The following B4GALNT2 variants were observed in gnomAD, a reference collection of about 807,000 sequenced individuals.
B4GALNT2 encodes the protein beta-1,4-N-acetyl-galactosaminyltransferase 2 (SID blood group).
B4GALNT2 carries 42 observed loss-of-function variants against 51.1 expected under a neutral mutation model. The ratio of observed to expected loss-of-function variants is 0.82; its 90% confidence interval spans 0.64 to 1.06. B4GALNT2 has a LOEUF of 1.06. Ranked by LOEUF, B4GALNT2 falls within the 50% of genes least tolerant of loss-of-function variation. The pLI is 0.00. For missense variants in B4GALNT2, 602 were observed against 633.6 expected, an observed-to-expected ratio of 0.95 and a Z score of 0.54; for synonymous variants, 253 against 251.7, an observed-to-expected ratio of 1.01 and a Z score of -0.05.
upstream of B4GALNT2, among the ~76,000 whole-genome samples, chr17:49,130,252 C>G (rs1159590104): frequency 6.6e-6 from 1 of 152,236 alleles, no homozygotes; most frequent in African/African-American, 2.4e-5. Context: ...AAAGAGCTTT[C>G]CTACTTAAAT....
intron 1 of B4GALNT2, among the ~76,000 whole-genome samples, chr17:49,137,460 A>T (rs2042601261): frequency 6.6e-6 from 1 of 152,068 alleles, no homozygotes; most frequent in East Asian, 1.9e-4. Flanking sequence ...CCACCATGGG[A>T]TGATGCAGCA....
upstream of B4GALNT2, among the ~76,000 whole-genome samples, chr17:49,130,097 C>G (rs116661177): frequency 1.3e-5 from 2 of 152,196 alleles, no homozygotes; most frequent in East Asian, 3.8e-4. Context: ...TGCCTTCCTG[C>G]AGTCATCCCT....
chr17:49,149,444 G>A (rs2042728675), intron 3 of B4GALNT2, among the ~76,000 whole-genome samples: 1 of 151,944 alleles, frequency 6.6e-6, no homozygotes, highest in South Asian at 2.1e-4. Context: ...CCAGGAGTTC[G>A]ATACCAGCCT....
Position 49,172,055 on chromosome 17 carries a change from A to T in B4GALNT2, c.*2327A>T, listed in dbSNP as rs1567869900. On this transcript the variant is annotated 3_prime_UTR_variant, in exon 11 of 11. Coordinates refer to ENST00000393354, the MANE Select transcript of B4GALNT2 (RefSeq NM_001159387.2). ...TGAAGGAATACTCATGGCAATGGTG[A>T]TCACCACTATCATATCTATCATTAA... 2 of 274,430 alleles carry T rather than the reference A, an allele frequency of 7.3e-6. No individual in the cohort carries two copies. The highest frequency in any genetic ancestry group is 1.4e-4 in the East Asian group (2 of 14,446). The allele number at this position is 274,430 out of a possible 1,614,324, so 17.0% of individuals were successfully genotyped here.
At chr17:49,123,402 C>A in the B4GALNT2 span, among the ~76,000 whole-genome samples, 1 of 152,330 alleles carries the variant, frequency 6.6e-6, no homozygotes, top group East Asian at 1.9e-4. Context: ...TTAATTTAAA[C>A]TGTAGAAAAT....
chr17:49,130,181 T>A (rs1481879787), upstream of B4GALNT2, among the ~76,000 whole-genome samples: 2 of 152,250 alleles, frequency 1.3e-5, no homozygotes, highest in Admixed American at 6.5e-5. Flanking sequence ...AACACTAATG[T>A]GAAGCAAGAG....
In B4GALNT2 at chr17:49,172,147, G is replaced by A. The variant is rs1023550122; in HGVS notation, c.*2419G>A. On this transcript the variant is annotated 3_prime_UTR_variant, in exon 11 of 11. Coordinates refer to ENST00000393354, the MANE Select transcript of B4GALNT2 (RefSeq NM_001159387.2). ...CTTCCACCATCTGTGACAGCTTCTT[G>A]ATCTGTCCCCAGGTAGGTGGCTGTG... 1 of 298,728 alleles carries A rather than the reference G, an allele frequency of 3.3e-6. No individual in the cohort carries two copies. The highest frequency in any genetic ancestry group is 2.2e-5 in the African/African-American group (1 of 45,126). 18.5% of individuals were successfully genotyped at this position (298,728 alleles called of 1,614,324 possible). A position where few individuals can be genotyped will look rare whatever the true frequency, so the allele number is the denominator to read the frequency against.
intron 6 of B4GALNT2, 26 bp from the exon 7 acceptor site, chr17:49,160,529 T>A (rs1448562145): frequency 2.5e-6 from 4 of 1,600,736 alleles, no homozygotes; most frequent in Middle Eastern, 1.7e-4. Context: ...ATACTCCCTG[T>A]GCCATTATCT....
At position 49,157,117 on chromosome 17, in the gene B4GALNT2, G is replaced by A. The variant is rs985672324; in HGVS notation, c.498+514G>A. Among the ~76,000 whole-genome samples, 11 of 152,136 alleles carry A rather than the reference G, an allele frequency of 7.2e-5. No homozygotes were observed. The East Asian group carries it at 9.6e-4, about 13-fold the overall frequency. On this transcript the variant is annotated intron_variant, in intron 5 of 10. Coordinates refer to ENST00000393354, the MANE Select transcript of B4GALNT2 (RefSeq NM_001159387.2). The stretch of plus-strand genomic sequence containing the variant: ...GGAATGGGTGATGAGTGAGCAGATC[G>A]GCAAGGCCTCCACCACCTGTCACCA...
the B4GALNT2 span, among the ~76,000 whole-genome samples, chr17:49,126,190 A>T: frequency 1.3e-5 from 2 of 152,134 alleles, no homozygotes; most frequent in African/African-American, 4.8e-5. Context: ...CTGTTGATCT[A>T]TGACCTTACC....
intron 3 of B4GALNT2, among the ~76,000 whole-genome samples, chr17:49,150,086 C>T (rs2042734542): frequency 6.6e-6 from 1 of 152,180 alleles, no homozygotes; most frequent in African/African-American, 2.4e-5. Context: ...GGTCAGCCCC[C>T]CACCTGGCCA....
chr17:49,128,969 C>T (rs2042523964), upstream of B4GALNT2, among the ~76,000 whole-genome samples: 1 of 152,198 alleles, frequency 6.6e-6, no homozygotes, highest in African/African-American at 2.4e-5. Context: ...TGAGAAGAAA[C>T]TGGGCATCCC....
At chr17:49,126,670 A>C in the B4GALNT2 span, among the ~76,000 whole-genome samples, 1 of 68,532 alleles carries the variant, frequency 1.5e-5, no homozygotes, top group African/African-American at 5.9e-5. Context: ...TTTTTTTTTG[A>C]GATGCAGTCT....
Position 49,172,018 on chromosome 17 carries a change from G to A in B4GALNT2, c.*2290G>A. ...CCCAATAAGTATAACTGTTCTCTGT[G>A]TTGTTCCTTGTTGAAGGAATACTCA... On this transcript the variant is annotated 3_prime_UTR_variant, in exon 11 of 11. Transcript: ENST00000393354. 1 of 249,630 alleles carries A rather than the reference G, an allele frequency of 4.0e-6. No homozygotes were observed. 15.5% of individuals were successfully genotyped at this position (249,630 alleles called of 1,614,324 possible).
intron 3 of B4GALNT2, among the ~76,000 whole-genome samples, chr17:49,152,077 A>G (rs1417308538): frequency 6.6e-6 from 1 of 151,948 alleles, no homozygotes; most frequent in African/African-American, 2.4e-5. Context: ...GTTTTTTTTA[A>G]AAAAAATATG....
intron 3 of B4GALNT2, among the ~76,000 whole-genome samples, chr17:49,150,685 G>A (rs1477101492): frequency 1.3e-5 from 2 of 151,164 alleles, no homozygotes; most frequent in African/African-American, 2.4e-5. Context: ...GATTAAGGGC[G>A]GTGCAAGATG....
At chr17:49,132,988 G>A in intron 1 of B4GALNT2, 182 bp downstream of exon 1, 2 of 1,444,100 alleles carry the variant, frequency 1.4e-6, no homozygotes, top group Non-Finnish European at 9.1e-7. Flanking sequence ...CAGAGGCGAG[G>A]TGACGGCGCG....
intron 3 of B4GALNT2, among the ~76,000 whole-genome samples, chr17:49,143,863 C>T (rs1296138373): frequency 6.6e-6 from 1 of 152,036 alleles, no homozygotes; most frequent in East Asian, 1.9e-4. Context: ...CTACCAGTCC[C>T]TTGGTTGGGC....
At chr17:49,131,969 C>T (rs1212188991), upstream of B4GALNT2, among the ~76,000 whole-genome samples, 2 of 152,070 alleles carry the variant, frequency 1.3e-5, no homozygotes, top group South Asian at 2.1e-4. Flanking sequence ...CTCCTCTCTA[C>T]AAATTATTAT....
Sources: allele counts gnomAD v4.1 joint callset (sites outside exome capture counted in the v4.1 genomes callset), GRCh38; gene constraint gnomAD v4.1.1; transcripts MANE v1.5; gene names NCBI Gene and HGNC (gene_info 2026-07-23, HGNC 2026-07-21).